RELN: variants seen among roughly 807,000 people sequenced by gnomAD.
The protein encoded by RELN is reelin.
RELN carries 108 observed loss-of-function variants against 427.6 expected under a neutral mutation model. That is an observed-to-expected ratio of 0.25 (90% CI 0.22 to 0.30). The LOEUF (loss-of-function observed/expected upper bound fraction) is 0.30, where lower values mean the gene tolerates loss of function less well. Ranked by LOEUF, RELN falls within the 10% of genes least tolerant of loss-of-function variation. The pLI, the probability that RELN is intolerant of heterozygous loss-of-function variation, is 1.00. For missense variants in RELN, 3,715 were observed against 4,302.8 expected, an observed-to-expected ratio of 0.86 and a Z score of 3.82; for synonymous variants, 1,524 against 1,513.4, an observed-to-expected ratio of 1.01 and a Z score of -0.16.
At chr7:103,590,291 C>T (rs186477673) in intron 27 of RELN, among the ~76,000 whole-genome samples, 105 of 152,192 alleles carry the variant, frequency 6.9e-4, no homozygotes, top group African/African-American at 2.1e-3. Context: ...CGGCTGGGTG[C>T]GGTGGCTCAT....
chr7:103,552,959 T>C (rs1198348132), intron 40 of RELN, among the ~76,000 whole-genome samples: 1 of 152,124 alleles, frequency 6.6e-6, no homozygotes, highest in Non-Finnish European at 1.5e-5. Flanking sequence ...ATGTTAATTA[T>C]TAATTTGCTC....
At chr7:103,895,395 G>C (rs777147536) in intron 2 of RELN, among the ~76,000 whole-genome samples, 22 of 152,106 alleles carry the variant, frequency 1.4e-4, no homozygotes, top group Non-Finnish European at 2.8e-4. Context: ...AATGCCGAGG[G>C]TCATTTCTGC....
At chr7:103,741,702 A>T (rs1403858133) in intron 6 of RELN, among the ~76,000 whole-genome samples, 2 of 151,924 alleles carry the variant, frequency 1.3e-5, no homozygotes, top group East Asian at 3.9e-4. Context: ...AGGGAGGGAA[A>T]GAGAGGAAGG....
intron 1 of RELN, among the ~76,000 whole-genome samples, chr7:103,972,692 G>A (rs6971418): frequency 0.7 from 106,332 of 152,066 alleles, 37,740 homozygotes; most frequent in African/African-American, 0.82. Flanking sequence ...GATGAGATGC[G>A]GCATCACTGT....
intron 1 of RELN, among the ~76,000 whole-genome samples, chr7:103,958,109 A>T (rs1228491852): frequency 6.6e-6 from 1 of 152,224 alleles, no homozygotes; most frequent in Non-Finnish European, 1.5e-5. Context: ...TGTTCATACA[A>T]GGATTAACTA....
At chr7:103,739,987 G>A (rs551964929) in intron 6 of RELN, among the ~76,000 whole-genome samples, 1 of 152,308 alleles carries the variant, frequency 6.6e-6, no homozygotes, top group East Asian at 1.9e-4. Context: ...AAGCCGGGCT[G>A]TGTGGACTAG....
In RELN at chr7:103,729,712, T is replaced by C. The variant is rs143127687; in HGVS notation, c.657-1505A>G. On this transcript the variant is annotated intron_variant, in intron 6 of 64. Transcript: ENST00000428762. Reference sequence around the variant, plus strand: ...TTATGGCATGTTCCTTTTGAGCACATTGTATTCCTGAAATATTTGTTGAAT... The same window carrying C: ...TTATGGCATGTTCCTTTTGAGCACACTGTATTCCTGAAATATTTGTTGAAT... Among the ~76,000 whole-genome samples the C allele has an allele frequency of 1.9e-4, 29 of 152,262 alleles. No homozygotes were observed. The East Asian group carries it at 5.4e-3, about 28-fold the overall frequency.
intron 8 of RELN, among the ~76,000 whole-genome samples, chr7:103,721,338 T>C (rs924065907): frequency 3.9e-5 from 6 of 151,980 alleles, no homozygotes; most frequent in African/African-American, 7.2e-5. Context: ...ATAATATAAG[T>C]TGGCCTGATG....
At chr7:103,852,530 A>T (rs1314022384) in intron 2 of RELN, among the ~76,000 whole-genome samples, 1 of 152,172 alleles carries the variant, frequency 6.6e-6, no homozygotes, top group African/African-American at 2.4e-5. Flanking sequence ...GCACATAGAA[A>T]GTACTATGTA....
intron 64 of RELN, among the ~76,000 whole-genome samples, chr7:103,478,058 A>C (rs1828097070): frequency 6.6e-6 from 1 of 152,158 alleles, no homozygotes; most frequent in Admixed American, 6.5e-5. Context: ...AACTGTGAGC[A>C]CTTCAAGGGC....
At chr7:103,508,908 G>A (rs1829305520) in intron 51 of RELN, among the ~76,000 whole-genome samples, 1 of 152,158 alleles carries the variant, frequency 6.6e-6, no homozygotes, top group Admixed American at 6.5e-5. Flanking sequence ...TTGCTACAAA[G>A]AGAACAAAAT....
At chr7:103,744,010 G>T (rs1359351502) in intron 6 of RELN, among the ~76,000 whole-genome samples, 3 of 152,084 alleles carry the variant, frequency 2.0e-5, no homozygotes, top group African/African-American at 4.8e-5. Flanking sequence ...CACATAGTTG[G>T]AAGTAAAGCA....
In RELN at chr7:103,893,588, G is replaced by A. The variant is rs184273711; in HGVS notation, c.337+23487C>T. Among the ~76,000 whole-genome samples, 17 of 152,148 alleles carry A rather than the reference G, an allele frequency of 1.1e-4. No homozygotes were observed. The East Asian group carries it at 2.5e-3, about 23-fold the overall frequency. On this transcript the variant is annotated intron_variant, in intron 2 of 64. Transcript: ENST00000428762. ...AGATCTAATGTATATATAGATATCC[G>A]AACATAAATGTACATACACTTAAGC...
At chr7:103,473,205 A>G (rs1827916651) in intron 64 of RELN, among the ~76,000 whole-genome samples, 1 of 152,168 alleles carries the variant, frequency 6.6e-6, no homozygotes, top group Non-Finnish European at 1.5e-5. Context: ...TTTAAATTTT[A>G]ATTTTATTCT....
intron 6 of RELN, among the ~76,000 whole-genome samples, chr7:103,746,362 G>A (rs1015076674): frequency 7.9e-5 from 12 of 152,124 alleles, no homozygotes; most frequent in Admixed American, 3.3e-4. Context: ...TATGGGCAAG[G>A]ACTTCATGTC....
chr7:103,697,132 AG>A (rs1833992567), intron 10 of RELN, among the ~76,000 whole-genome samples: 1 of 152,232 alleles, frequency 6.6e-6, no homozygotes, highest in South Asian at 2.1e-4. Context: ...AGGCACTGGA[AG>A]ATTTGATGTT....
At chr7:103,757,397 G>C (rs1350803116) in intron 4 of RELN, among the ~76,000 whole-genome samples, 2 of 151,940 alleles carry the variant, frequency 1.3e-5, no homozygotes, top group Non-Finnish European at 2.9e-5. Context: ...ACATTTTATT[G>C]GTCTGTTACT....
intron 2 of RELN, among the ~76,000 whole-genome samples, chr7:103,845,944 C>T (rs1793664074): frequency 6.6e-6 from 1 of 152,110 alleles, no homozygotes; most frequent in Admixed American, 6.6e-5. Context: ...AGCCACACTG[C>T]CCAAACATTC....
Position 103,989,369 on chromosome 7 carries a change from G to GCCGCCA in RELN, c.-14_-13insTGGCGG, listed in dbSNP as rs1797177148. The stretch of plus-strand genomic sequence containing the variant: ...CACTGCGCTCCATGCCGCCGCCGCC[G>GCCGCCA]CCGCCGCCGCCGCGCGCCCTACGCG... On this transcript the variant is annotated 5_prime_UTR_variant, in exon 1 of 65. Coordinates refer to ENST00000428762, the MANE Select transcript of RELN (RefSeq NM_005045.4). This position sits in a 1 kb window ranked among gnomAD's most constrained non-coding sequence, Gnocchi z 4.9. 8 of 1,425,738 alleles carry GCCGCCA rather than the reference G, an allele frequency of 5.6e-6. No homozygotes were observed. The African/African-American group carries it at 7.6e-5, about 13-fold the overall frequency. 88.3% of individuals were successfully genotyped at this position (1,425,738 alleles called of 1,614,324 possible).
Sources: gnomAD v4.1 joint callset for allele counts (sites outside exome capture counted in the v4.1 genomes callset) on GRCh38, gnomAD v4.1.1 for gene constraint, Gnocchi (gnomAD v3.1) non-coding constraint, MANE v1.5 for transcripts, NCBI Gene and HGNC (gene_info 2026-07-23, HGNC 2026-07-21) for gene names.